PARVA: variants seen among roughly 807,000 people sequenced by gnomAD.
The protein encoded by PARVA is parvin alpha, also known as alpha-parvin.
Under a neutral mutation model 52.6 loss-of-function variants are expected in PARVA, and 25 were observed. The observed-to-expected ratio is 0.48, with a 90% CI of 0.35 to 0.66. PARVA has a LOEUF of 0.66. Among genes scored for constraint, PARVA ranks in the 30% least tolerant of loss-of-function variants. The pLI, the probability that PARVA is intolerant of heterozygous loss-of-function variation, is 0.01. For missense variants in PARVA, 373 were observed against 450.9 expected (o/e 0.83, Z 1.56); for synonymous variants, 185 against 179.1 (o/e 1.03, Z -0.26).
chr11:12,423,384 T>A (rs1391620760), intron 1 of PARVA, among the ~76,000 whole-genome samples: 1 of 144,660 alleles, frequency 6.9e-6, no homozygotes, highest in Admixed American at 7.0e-5. Context: ...AGAGACAGGG[T>A]TTTGCCATGT....
chr11:12,484,808 C>CTTT (rs1177057401), intron 4 of PARVA, among the ~76,000 whole-genome samples: 3 of 102,630 alleles, frequency 2.9e-5, no homozygotes, highest in Admixed American at 1.1e-4. Context: ...TTTTTGTTGA[C>CTTT]TTTTTTTTTT....
chr11:12,508,315 A>T (rs1326355290), intron 6 of PARVA, among the ~76,000 whole-genome samples: 1 of 152,116 alleles, frequency 6.6e-6, no homozygotes, highest in South Asian at 2.1e-4. Flanking sequence ...TTCCAGCAGC[A>T]TGTCTTCCAA....
At chr11:12,407,709 A>C (rs1939933535) in intron 1 of PARVA, among the ~76,000 whole-genome samples, 1 of 152,104 alleles carries the variant, frequency 6.6e-6, no homozygotes, top group Admixed American at 6.5e-5. Context: ...TAAGGCCTGG[A>C]AGTATTAGGT....
At chr11:12,495,930 A>G (rs1169769345) in intron 4 of PARVA, among the ~76,000 whole-genome samples, 2 of 152,202 alleles carry the variant, frequency 1.3e-5, no homozygotes, top group African/African-American at 4.8e-5. Context: ...ACCTGACTTT[A>G]AGGATGTTAA....
intron 1 of PARVA, among the ~76,000 whole-genome samples, chr11:12,451,592 G>C (rs1940624921): frequency 6.6e-6 from 1 of 151,998 alleles, no homozygotes; most frequent in Admixed American, 6.6e-5. Flanking sequence ...GACAGTAATT[G>C]ACATTACATG....
At chr11:12,489,507 T>C (rs1195236188) in intron 4 of PARVA, among the ~76,000 whole-genome samples, 1 of 152,136 alleles carries the variant, frequency 6.6e-6, no homozygotes, top group Non-Finnish European at 1.5e-5. Flanking sequence ...TCTAAGTAGA[T>C]GCAACATACA....
At chr11:12,424,146 T>C (rs1347119376) in intron 1 of PARVA, among the ~76,000 whole-genome samples, 1 of 152,208 alleles carries the variant, frequency 6.6e-6, no homozygotes, top group Non-Finnish European at 1.5e-5. Context: ...TATTTTTATC[T>C]CACTAGATAT....
chr11:12,423,134 G>A (rs1212592451), intron 1 of PARVA, among the ~76,000 whole-genome samples: 1 of 151,196 alleles, frequency 6.6e-6, no homozygotes, highest in Non-Finnish European at 1.5e-5. Flanking sequence ...GATTACAGGC[G>A]TGAGCCACCT....
At chr11:12,416,078 G>A (rs1940061212) in intron 1 of PARVA, among the ~76,000 whole-genome samples, 1 of 152,216 alleles carries the variant, frequency 6.6e-6, no homozygotes, top group South Asian at 2.1e-4. Flanking sequence ...TTGGGAAAGA[G>A]GTTGAAAGTG....
chr11:12,498,105 C>G (rs551874515), intron 5 of PARVA, among the ~76,000 whole-genome samples: 1 of 152,208 alleles, frequency 6.6e-6, no homozygotes, highest in Non-Finnish European at 1.5e-5. Context: ...GCAATCTCAG[C>G]TCACTGCAAC....
At chr11:12,524,567 G>T (rs908606573) in intron 12 of PARVA, among the ~76,000 whole-genome samples, 3 of 152,102 alleles carry the variant, frequency 2.0e-5, no homozygotes, top group African/African-American at 7.2e-5. Flanking sequence ...CTTCTGATCT[G>T]CCCGTGCTGT....
At chr11:12,436,015 G>A (rs1004423900) in intron 1 of PARVA, among the ~76,000 whole-genome samples, 16 of 151,946 alleles carry the variant, frequency 1.1e-4, no homozygotes, top group African/African-American at 3.6e-4. Context: ...GTAGAGATGG[G>A]GTTTCACTGT....
intron 1 of PARVA, among the ~76,000 whole-genome samples, chr11:12,394,545 A>G (rs1939706486): frequency 6.6e-6 from 1 of 152,222 alleles, no homozygotes; most frequent in South Asian, 2.1e-4. Context: ...ATTTGCATCA[A>G]ATAATGCAGT....
chr11:12,442,092 G>C (rs1027747885), intron 1 of PARVA, among the ~76,000 whole-genome samples: 2 of 152,208 alleles, frequency 1.3e-5, no homozygotes, highest in Admixed American at 6.5e-5. Flanking sequence ...GCGTGGACCA[G>C]TTCAGCAGCA....
intron 1 of PARVA, among the ~76,000 whole-genome samples, chr11:12,379,340 G>A (rs1308634071): frequency 6.6e-6 from 1 of 152,064 alleles, no homozygotes; most frequent in Non-Finnish European, 1.5e-5. Flanking sequence ...GTTTTACCTG[G>A]CCCCATTCAA....
intron 1 of PARVA, among the ~76,000 whole-genome samples, chr11:12,436,003 T>C (rs1349639579): frequency 1.3e-5 from 2 of 152,088 alleles, no homozygotes; most frequent in Non-Finnish European, 2.9e-5. Context: ...TTTGTATTTT[T>C]AGTAGAGATG....
intron 1 of PARVA, among the ~76,000 whole-genome samples, chr11:12,416,666 G>T (rs1008316878): frequency 6.6e-6 from 1 of 151,920 alleles, no homozygotes; most frequent in Non-Finnish European, 1.5e-5. Flanking sequence ...AGAAAGAAGC[G>T]AGTGGAGAGA....
intron 4 of PARVA, among the ~76,000 whole-genome samples, chr11:12,483,726 C>A (rs915532930): frequency 2.5e-4 from 38 of 152,208 alleles, no homozygotes; most frequent in African/African-American, 8.9e-4. Context: ...AGAGAGACCA[C>A]AGAGACAGCA....
chr11:12,459,444 A>G (rs1940744956), intron 1 of PARVA, among the ~76,000 whole-genome samples: 1 of 151,992 alleles, frequency 6.6e-6, no homozygotes, highest in South Asian at 2.1e-4. Context: ...AAAGAAGAAG[A>G]AAGAAAATAG....
Sources: gnomAD v4.1 joint callset for allele counts (sites outside exome capture counted in the v4.1 genomes callset) on GRCh38, gnomAD v4.1.1 for gene constraint, MANE v1.5 for transcripts, NCBI Gene and HGNC (gene_info 2026-07-23, HGNC 2026-07-21) for gene names.